Variants in PREP observed in about 807,000 individuals in gnomAD.
PREP encodes dJ355L5.1 (prolyl endopeptidase).
In PREP, 29 loss-of-function variants were observed where a neutral mutation model predicts 87.6. That is an observed-to-expected ratio of 0.33 (90% CI 0.25 to 0.45). The LOEUF is 0.45. Among genes scored for constraint, PREP ranks in the 20% least tolerant of loss-of-function variants. The pLI, the probability that PREP is intolerant of heterozygous loss-of-function variation, is 1.00. For synonymous variants in PREP, 337 were observed against 328.6 expected (o/e 1.03, Z -0.28); for missense variants, 695 against 886.5 (o/e 0.78, Z 2.74).
intron 1 of PREP, among the ~76,000 whole-genome samples, chr6:105,399,194 T>A (rs1283236582): frequency 1.3e-5 from 2 of 152,208 alleles, no homozygotes; most frequent in Admixed American, 6.5e-5. Flanking sequence ...AACATTCTAG[T>A]TAAGGCTTCT....
chr6:105,293,637 C>T (rs1583039184), intron 10 of PREP, among the ~76,000 whole-genome samples: 1 of 151,318 alleles, frequency 6.6e-6, no homozygotes, highest in East Asian at 1.9e-4. Context: ...ATTTGTGAAG[C>T]TCAGTAAAAT....
At chr6:105,388,134 A>C (rs573763124) in intron 2 of PREP, among the ~76,000 whole-genome samples, 1 of 152,208 alleles carries the variant, frequency 6.6e-6, no homozygotes, top group African/African-American at 2.4e-5. Context: ...CTGTGCTGCC[A>C]CTACAGAAGC....
chr6:105,399,655 A>G (rs1003880398), intron 1 of PREP, among the ~76,000 whole-genome samples: 1 of 152,218 alleles, frequency 6.6e-6, no homozygotes, highest in Non-Finnish European at 1.5e-5. Context: ...TTTTCTTCTC[A>G]TCTGCAAGTC....
chr6:105,385,429 G>C (rs1230407851), intron 2 of PREP, among the ~76,000 whole-genome samples: 2 of 151,750 alleles, frequency 1.3e-5, no homozygotes, highest in East Asian at 1.9e-4. Context: ...CATTTAAAAA[G>C]CATATTACAC....
intron 10 of PREP, among the ~76,000 whole-genome samples, chr6:105,301,449 G>A (rs189994252): frequency 1.1e-4 from 16 of 152,330 alleles, no homozygotes; most frequent in Non-Finnish European, 2.2e-4. Context: ...CCTGTAACAT[G>A]AGCATATGAA....
intron 7 of PREP, among the ~76,000 whole-genome samples, chr6:105,345,709 AT>A (rs987096076): frequency 6.6e-6 from 1 of 152,188 alleles, no homozygotes; most frequent in Non-Finnish European, 1.5e-5. Context: ...CTGCCACATG[AT>A]TAACAGTTAG....
At chr6:105,324,284 G>C (rs1771089616) in intron 9 of PREP, among the ~76,000 whole-genome samples, 1 of 152,050 alleles carries the variant, frequency 6.6e-6, no homozygotes, top group Non-Finnish European at 1.5e-5. Context: ...ACCTATCTGT[G>C]GACACTCATG....
intron 6 of PREP, among the ~76,000 whole-genome samples, chr6:105,353,492 C>T (rs183270398): frequency 4.6e-5 from 7 of 151,910 alleles, no homozygotes; most frequent in African/African-American, 9.7e-5. Context: ...AAAATGGGGC[C>T]GGGCGCAGTG....
At chr6:105,299,678 T>G (rs1310258797) in intron 10 of PREP, among the ~76,000 whole-genome samples, 1 of 152,228 alleles carries the variant, frequency 6.6e-6, no homozygotes, top group Non-Finnish European at 1.5e-5. Context: ...TGTTTCAGTG[T>G]TTTTTTCCTA....
In PREP at chr6:105,299,507, G is replaced by A. The variant is rs138274150; in HGVS notation, c.1318-10613C>T. On this transcript the variant is annotated intron_variant, in intron 10 of 14. Coordinates refer to ENST00000652536, the MANE Select transcript of PREP (RefSeq NM_002726.5). ...CCAGCTATTCAGGAGGCTGAGGCAC[G>A]AGAATCTCTTGAACCCAGAAGGCAG... is the stretch of plus-strand genomic sequence containing the variant. Among the ~76,000 whole-genome samples, 631 of 152,250 alleles carry A rather than the reference G, an allele frequency of 4.1e-3. 3 individuals are homozygous for A. The highest frequency in any genetic ancestry group is 6.6e-3 in the Non-Finnish European group (448 of 68,006).
At chr6:105,389,525 C>A (rs116681877) in intron 2 of PREP, among the ~76,000 whole-genome samples, 1 of 152,188 alleles carries the variant, frequency 6.6e-6, no homozygotes, top group South Asian at 2.1e-4. Flanking sequence ...GAACACTGTA[C>A]ACCAAAACCA....
chr6:105,372,011 C>T (rs1283446246), intron 5 of PREP, among the ~76,000 whole-genome samples: 3 of 152,088 alleles, frequency 2.0e-5, no homozygotes, highest in African/African-American at 7.2e-5. Flanking sequence ...ACACAAGCAG[C>T]TAATTTCGTT....
chr6:105,322,438 T>A (rs1421456635), intron 10 of PREP: 2 of 984,216 alleles, frequency 2.0e-6, no homozygotes, highest in East Asian at 2.3e-4. Context: ...GTTAAATGAC[T>A]TGCCCCACGT....
chr6:105,323,557 A>G (rs1157771598), intron 10 of PREP, 108 bp downstream of exon 10: 7 of 992,024 alleles, frequency 7.1e-6, no homozygotes, highest in African/African-American at 1.6e-5. Flanking sequence ...ACAAAATACT[A>G]GTTGTCATGA....
chr6:105,285,454 A>C lies in PREP; in HGVS notation c.1549+32T>G, dbSNP rs1223580142. The C allele has an allele frequency of 1.9e-6, 3 of 1,573,448 alleles. No homozygotes were observed. In the Admixed American group the frequency reaches 5.0e-5, roughly 26 times the overall value. On this transcript the variant is annotated intron_variant, in intron 12 of 14. Coordinates refer to ENST00000652536, the MANE Select transcript of PREP (RefSeq NM_002726.5). Reference sequence around the variant, plus strand: ...GCACAACCTTAGCTTTGATTATGTCAGACTTGTGTTTCTGTAGAGAAAACA... The same window carrying C: ...GCACAACCTTAGCTTTGATTATGTCCGACTTGTGTTTCTGTAGAGAAAACA...
chr6:105,293,359 A>G (rs892589961), intron 10 of PREP, among the ~76,000 whole-genome samples: 2 of 152,174 alleles, frequency 1.3e-5, no homozygotes, highest in African/African-American at 2.4e-5. Flanking sequence ...AACACATACA[A>G]TATTTATCAA....
chr6:105,290,200 C>T (rs1370945253), intron 10 of PREP, among the ~76,000 whole-genome samples: 1 of 152,066 alleles, frequency 6.6e-6, no homozygotes, highest in Non-Finnish European at 1.5e-5. Context: ...TTATTTAGTG[C>T]CAGTTAGCAG....
chr6:105,326,717 C>T (rs1464922831), intron 9 of PREP, among the ~76,000 whole-genome samples: 3 of 152,132 alleles, frequency 2.0e-5, no homozygotes, highest in African/African-American at 7.2e-5. Flanking sequence ...GCTGTTTTTG[C>T]ATTTGGTCTC....
chr6:105,311,870 T>C (rs1177548616), intron 10 of PREP, among the ~76,000 whole-genome samples: 3 of 152,196 alleles, frequency 2.0e-5, no homozygotes, highest in African/African-American at 7.2e-5. Context: ...AGGTGAGCTT[T>C]AGGAATCCCA....
Sources: allele counts gnomAD v4.1 joint callset (sites outside exome capture counted in the v4.1 genomes callset), GRCh38; gene constraint gnomAD v4.1.1; transcripts MANE v1.5; gene names NCBI Gene and HGNC (gene_info 2026-07-23, HGNC 2026-07-21).